The following ETHE1 variants were observed in gnomAD, a reference collection of about 807,000 sequenced individuals.
ETHE1 encodes ETHE1 persulfide dioxygenase.
ETHE1 carries 16 observed loss-of-function variants against 25.7 expected under a neutral mutation model. The ratio of observed to expected loss-of-function variants is 0.62; its 90% confidence interval spans 0.42 to 0.95. The LOEUF (loss-of-function observed/expected upper bound fraction) is 0.95, where lower values mean the gene tolerates loss of function less well. ETHE1 is among the 40% of genes least tolerant of loss of function. The probability of loss-of-function intolerance (pLI) is 0.00; values close to 1 mark genes in which losing one functional copy is unlikely to be tolerated. For synonymous variants in ETHE1, 139 were observed against 135.9 expected (o/e 1.02, Z -0.16); for missense variants, 300 against 333.6 (o/e 0.90, Z 0.79).
intron 3 of ETHE1, 165 bp downstream of exon 3, chr19:43,526,036 G>C: frequency 9.6e-7 from 1 of 1,045,034 alleles, no homozygotes; most frequent in South Asian, 1.4e-5. Flanking sequence ...CCCCACCTGG[G>C]TTTATGGTGC....
At chr19:43,518,463 T>C (rs750561381) in intron 3 of ETHE1, among the ~76,000 whole-genome samples, 1 of 152,022 alleles carries the variant, frequency 6.6e-6, no homozygotes, top group African/African-American at 2.4e-5. Flanking sequence ...TTACTGCATA[T>C]TGGCCGGGCG....
Position 43,527,189 on chromosome 19 carries a change from CGGGG to C in ETHE1, c.-16_-13del. ...ACAGCCTCCGCCATCGCGCCCACTG[CGGGG>C]TCAGGAATGAGCGGAGGCCGAGCGC... On this transcript the variant is annotated 5_prime_UTR_variant, in exon 1 of 7. Coordinates refer to ENST00000292147, the MANE Select transcript of ETHE1 (RefSeq NM_014297.5). The C allele has an allele frequency of 6.5e-7, 1 of 1,536,204 alleles. No homozygotes were observed. Among genetic ancestry groups the C allele is most frequent in the South Asian group, 1.2e-5 (1 of 83,982 alleles).
intron 4 of ETHE1, among the ~76,000 whole-genome samples, chr19:43,510,208 C>T (rs1276861249): frequency 6.6e-6 from 1 of 152,156 alleles, no homozygotes; most frequent in Non-Finnish European, 1.5e-5. Context: ...CCCTGAGATT[C>T]TGAAACTATA....
chr19:43,527,184 C>G lies in ETHE1; in HGVS notation c.-7G>C. 6.5e-7 allele frequency: 1 copy of G among 1,536,876 alleles called. No homozygotes were observed. The highest frequency in any genetic ancestry group is 8.7e-7 in the Non-Finnish European group (1 of 1,146,354). On this transcript the variant is annotated 5_prime_UTR_variant, in exon 1 of 7. Transcript: ENST00000292147. ...TCAGTACAGCCTCCGCCATCGCGCC[C>G]ACTGCGGGGTCAGGAATGAGCGGAG...
intron 3 of ETHE1, 45 bp downstream of exon 3, chr19:43,526,156 G>A (rs1470864112): frequency 6.2e-7 from 1 of 1,613,858 alleles, no homozygotes; most frequent in Admixed American, 1.7e-5. Flanking sequence ...TTAAGTTTAA[G>A]AAGTCCAGGC....
At position 43,511,429 on chromosome 19, in the gene ETHE1, C is replaced by G. The variant is rs1971912539; in HGVS notation, c.505+8G>C. 1 of 1,614,062 alleles carries G rather than the reference C, an allele frequency of 6.2e-7. No homozygotes were observed. Among genetic ancestry groups the G allele is most frequent in the African/African-American group, 1.3e-5 (1 of 74,928 alleles). The stretch of plus-strand genomic sequence containing the variant: ...GAAGATCTTGGGCTGGATAAAGGAG[C>G]TGGTCACCTTGCTGGAAGTCTGTCC... On this transcript the variant is annotated splice_region_variant and intron_variant, in intron 4 of 6. Coordinates refer to ENST00000292147, the MANE Select transcript of ETHE1 (RefSeq NM_014297.5).
chr19:43,511,332 C>T, intron 4 of ETHE1, 105 bp downstream of exon 4: 2 of 1,549,546 alleles, frequency 1.3e-6, no homozygotes, highest in East Asian at 2.3e-5. Flanking sequence ...ACTGAAGCCC[C>T]CTAAAAGTCT....
At chr19:43,523,726 A>G (rs1413928635) in intron 3 of ETHE1, among the ~76,000 whole-genome samples, 1 of 151,856 alleles carries the variant, frequency 6.6e-6, no homozygotes, top group Non-Finnish European at 1.5e-5. Flanking sequence ...ACCTGAGGTC[A>G]GGAGTTTGAG....
intron 5 of ETHE1, among the ~76,000 whole-genome samples, chr19:43,508,316 C>CCACACACA (rs1568491616): frequency 6.6e-6 from 1 of 151,766 alleles, no homozygotes; most frequent in Non-Finnish European, 1.5e-5. Context: ...GTTTCTACAT[C>CCACACACA]CACACACAGC....
At chr19:43,518,952 G>T (rs1422418080) in intron 3 of ETHE1, among the ~76,000 whole-genome samples, 3 of 145,670 alleles carry the variant, frequency 2.1e-5, no homozygotes, top group African/African-American at 7.6e-5. Flanking sequence ...AAAGTTTCAT[G>T]ACCTATAGTG....
At position 43,526,591 on chromosome 19, in the gene ETHE1, C is replaced by T; in HGVS notation, c.150G>A (p.Leu50=). The T allele has an allele frequency of 6.2e-7, 1 of 1,614,068 alleles. No homozygotes were observed. Among genetic ancestry groups the T allele is most frequent in the Non-Finnish European group, 8.5e-7 (1 of 1,179,986 alleles). Residue 50 remains leucine (L), a synonymous_variant, in exon 2 of 7, where the codon CTG becomes CTA. Transcript: ENST00000292147. The part of the protein sequence containing the change: ...LGDRESREAV[L]IDPVLETAPR... The stretch of plus-strand genomic sequence containing the variant: ...GCGCTGTTTCCAGGACTGGGTCGAT[C>T]AGAACGGCCTCCCGGGACTCTCTGT...
At chr19:43,515,702 G>A (rs911211619) in intron 3 of ETHE1, among the ~76,000 whole-genome samples, 1 of 152,018 alleles carries the variant, frequency 6.6e-6, no homozygotes, top group African/African-American at 2.4e-5. Flanking sequence ...AGCCTCTCAA[G>A]TAGCTAGGGT....
chr19:43,524,857 GCCTGTAATCCCAGCACTTTCAGAAGC>G (rs776359496), intron 3 of ETHE1, among the ~76,000 whole-genome samples: 47 of 151,968 alleles, frequency 3.1e-4, no homozygotes, highest in Non-Finnish European at 5.3e-4. Flanking sequence ...AGTGGCTCAT[GCCTGTAATCCCAGCACTTTCAGAAGC>G]CCTGTAATCC....
chr19:43,507,508 C>A, intron 6 of ETHE1: 1 of 290,550 alleles, frequency 3.4e-6, no homozygotes, highest in Non-Finnish European at 6.2e-6. Context: ...CCCAGGAGTC[C>A]AGGCCCCCAG....
chr19:43,509,622 T>C (rs552202282), intron 4 of ETHE1, among the ~76,000 whole-genome samples: 6 of 151,714 alleles, frequency 4.0e-5, no homozygotes, highest in South Asian at 2.1e-4. Flanking sequence ...GGTAAAACCC[T>C]GTCTCTACTA....
Position 43,508,782 on chromosome 19 carries a change from A to G in ETHE1, c.588T>C (p.Asp196=). ...PGDCLIYPAH[D]YHGFTVSTVE... is the part of the protein sequence containing the mutation. ...CTTCCAGGAAGCCCTCACCATGGTA[A>G]TCGTGAGCAGGGTAGATCAGACAGT... Residue 196 remains aspartate, a synonymous_variant, in exon 5 of 7, where the codon GAT becomes GAC. Transcript: ENST00000292147. 6.2e-7 allele frequency: 1 copy of G among 1,603,274 alleles called. No individual in the cohort carries two copies. The highest frequency in any genetic ancestry group is 8.5e-7 in the Non-Finnish European group (1 of 1,175,056).
chr19:43,508,913 C>CT, intron 4 of ETHE1, 49 bp from the exon 5 acceptor site: 1 of 1,393,846 alleles, frequency 7.2e-7, no homozygotes, highest in Non-Finnish European at 1.0e-6. Flanking sequence ...ACAGAAGACT[C>CT]TAACCCCTTC....
rs368170094 is a variant in ETHE1 at position 43,526,295 on chromosome 19, A to G, written c.281T>C (p.Leu94Pro). 1 of 1,613,954 alleles carries G rather than the reference A, an allele frequency of 6.2e-7. No individual in the cohort carries two copies. The highest frequency in any genetic ancestry group is 1.3e-5 in the African/African-American group (1 of 74,898). Residue 94 changes from leucine (L) to proline (P), a missense_variant, in exon 3 of 7, where the codon CTC becomes CCC. Coordinates refer to ENST00000292147, the MANE Select transcript of ETHE1 (RefSeq NM_014297.5). Reference protein sequence around the residue: ...HITGSGLLRSLLPGCQSVISR... With the variant: ...HITGSGLLRSPLPGCQSVISR... ...GATGACAGACTGGCAGCCAGGGAGG[A>G]GGGAACGGAGCAGCCCCGAGCCTGT...
intron 4 of ETHE1, among the ~76,000 whole-genome samples, chr19:43,510,242 T>G (rs993349769): frequency 6.6e-6 from 1 of 152,112 alleles, no homozygotes; most frequent in Admixed American, 6.6e-5. Context: ...GGGAAGCTCC[T>G]AAATCTAACT....
Sources: allele counts gnomAD v4.1 joint callset (sites outside exome capture counted in the v4.1 genomes callset), GRCh38; gene constraint gnomAD v4.1.1; transcripts MANE v1.5; gene names NCBI Gene and HGNC (gene_info 2026-07-23, HGNC 2026-07-21).